CLTC: variants seen among roughly 807,000 people sequenced by gnomAD.
The protein encoded by CLTC is clathrin heavy chain.
Under a neutral mutation model 195.8 loss-of-function variants are expected in CLTC, and 16 were observed. The ratio of observed to expected loss-of-function variants is 0.08; its 90% CI spans 0.06 to 0.12. CLTC has a LOEUF of 0.12. Among genes scored for constraint, CLTC ranks in the 10% least tolerant of loss-of-function variants. The pLI is 1.00. For synonymous variants in CLTC, 667 were observed against 689.4 expected (o/e 0.97, Z 0.51); for missense variants, 796 against 2,027.0 (o/e 0.39, Z 11.66).
At chr17:59,637,737 A>G (rs2031911400) in intron 1 of CLTC, among the ~76,000 whole-genome samples, 1 of 150,144 alleles carries the variant, frequency 6.7e-6, no homozygotes, top group Non-Finnish European at 1.5e-5. Flanking sequence ...ATGGTGGCGT[A>G]TGGGTGGTAC....
intron 5 of CLTC, among the ~76,000 whole-genome samples, chr17:59,651,875 A>AT (rs947700064): frequency 5.9e-5 from 9 of 152,260 alleles, no homozygotes; most frequent in Admixed American, 5.9e-4. Flanking sequence ...TTCACAAAAG[A>AT]TTTCTCTGTG....
rs369892749 is a variant in CLTC, at chr17:59,651,181, A to C, written c.682-22A>C. ...ACTGCTAATGTATAGGTTTATATACATTTTGATTTTCTTTTGAACAGTTAC... is the reference window on the plus strand; with the variant it reads ...ACTGCTAATGTATAGGTTTATATACCTTTTGATTTTCTTTTGAACAGTTAC... On this transcript the variant is annotated intron_variant, in intron 4 of 31. Transcript: ENST00000269122. 355 of 1,474,196 alleles carry C rather than the reference A, an allele frequency of 2.4e-4. 1 individual carries two copies. The South Asian group carries it at 4.0e-3, about 17-fold the overall frequency. The allele number at this position is 1,474,196 out of a possible 1,614,324, so 91.3% of individuals were successfully genotyped here. A position where few individuals can be genotyped will look rare whatever the true frequency, so the allele number is the denominator to read the frequency against.
chr17:59,653,340 C>G (rs1218028684), intron 5 of CLTC, among the ~76,000 whole-genome samples: 1 of 151,432 alleles, frequency 6.6e-6, no homozygotes, highest in African/African-American at 2.4e-5. Flanking sequence ...ACTACAGGCA[C>G]CCACCACCAC....
At chr17:59,644,814 G>A (rs1258861243) in intron 2 of CLTC, among the ~76,000 whole-genome samples, 1 of 152,150 alleles carries the variant, frequency 6.6e-6, no homozygotes, top group Non-Finnish European at 1.5e-5. Flanking sequence ...GCCTCCCAGA[G>A]TGCTGAGATT....
At chr17:59,691,636 TATATATATATATAC>T (rs977016570) in intron 31 of CLTC, among the ~76,000 whole-genome samples, 2 of 146,314 alleles carry the variant, frequency 1.4e-5, no homozygotes, top group African/African-American at 5.0e-5. Flanking sequence ...AAAAAAAATA[TATATATATATATAC>T]ATATATATAT....
Position 59,666,969 on chromosome 17 carries a change from G to A in CLTC, c.2120G>A (p.Ser707Asn). The change falls in exon 13 of 32, where the codon AGT (serine) becomes AAT (asparagine). Residue 707 changes from serine to asparagine, a missense_variant. Around this residue, in one of 9 missense-constraint regions of CLTC, gnomAD observed 19 missense variants for 35.7 expected, o/e 0.53. Transcript: ENST00000269122. The surrounding 1 kb of genome is among the most constrained non-coding windows in gnomAD (Gnocchi z 4.9). ...SLIELFESFKSFEGLFYFLGS... is the reference protein window; with the variant it reads ...SLIELFESFKNFEGLFYFLGS... ...ATTGAACTTTTTGAATCTTTCAAGA[G>A]TTTTGAAGGTAATTAGGAGTTTTTG... 1.2e-6 allele frequency: 2 copies of A among 1,611,380 alleles called. No homozygotes were observed. The highest frequency in any genetic ancestry group is 1.7e-6 in the Non-Finnish European group (2 of 1,178,812).
At chr17:59,620,847 C>G (rs1528492) in intron 1 of CLTC, among the ~76,000 whole-genome samples, 123,764 of 151,920 alleles carry the variant, frequency 0.81, 50,679 homozygotes, top group South Asian at 0.93. Context: ...AGAGTGTGTG[C>G]GGTCAAACTC....
chr17:59,665,597 G>A (rs556433942), intron 10 of CLTC, among the ~76,000 whole-genome samples: 2 of 152,228 alleles, frequency 1.3e-5, no homozygotes, highest in African/African-American at 4.8e-5. Context: ...CCAGCACTTT[G>A]GGAGGCTGAG....
intron 6 of CLTC, among the ~76,000 whole-genome samples, chr17:59,658,996 T>C (rs533095223): frequency 2.9e-4 from 44 of 152,334 alleles, no homozygotes; most frequent in African/African-American, 1.0e-3. Context: ...ATCTATCTAT[T>C]TGGTTCACTG....
rs2033157047 is a variant in CLTC, at chr17:59,685,157, T to A, written c.4536T>A (p.Ala1512=). ...TCATTGAGTTCAGGAGAATTGCTGC[T>A]TATCTCTTCAAAGGCAACAATCGCT... The part of the protein sequence containing the change: ...HELIEFRRIA[A]YLFKGNNRWK... Residue 1512 remains alanine, a synonymous_variant, in exon 29 of 32, where the codon GCT becomes GCA. Transcript: ENST00000269122. This position sits in a 1 kb window ranked among gnomAD's most constrained non-coding sequence, Gnocchi z 5.0. The A allele has an allele frequency of 6.2e-7, 1 of 1,612,954 alleles. No homozygotes were observed. Among genetic ancestry groups the A allele is most frequent in the East Asian group, 2.2e-5 (1 of 44,854 alleles).
At chr17:59,655,235 G>T (rs1199426907) in intron 5 of CLTC, among the ~76,000 whole-genome samples, 2 of 152,202 alleles carry the variant, frequency 1.3e-5, no homozygotes, top group African/African-American at 4.8e-5. Flanking sequence ...TAATATTGTT[G>T]TGTCTCAGGT....
chr17:59,636,679 T>C (rs998639001), intron 1 of CLTC, among the ~76,000 whole-genome samples: 5 of 152,170 alleles, frequency 3.3e-5, no homozygotes, highest in African/African-American at 1.2e-4. Context: ...TTGTTTCTTT[T>C]GCTTAAACAT....
intron 7 of CLTC, 105 bp downstream of exon 7, chr17:59,660,693 T>A (rs2032587724): frequency 1.8e-6 from 2 of 1,110,696 alleles, no homozygotes; most frequent in Non-Finnish European, 2.7e-6. Flanking sequence ...TAAACTGTTT[T>A]TAGATTACAT....
chr17:59,620,086 C>G lies in CLTC; in HGVS notation c.-46C>G, dbSNP rs1172993153. The G allele has an allele frequency of 1.9e-6, 3 of 1,604,600 alleles. No homozygotes were observed. Among genetic ancestry groups the G allele is most frequent in the Middle Eastern group, 1.6e-4 (1 of 6,062 alleles). ...CTTGGAGAGCCCGGGCAGCCACTGC[C>G]CCGCAGCCCCAGTGACAGGAGGAGA... On this transcript the variant is annotated 5_prime_UTR_variant, in exon 1 of 32. Transcript: ENST00000269122.
intron 30 of CLTC, among the ~76,000 whole-genome samples, chr17:59,686,028 G>C (rs986948871): frequency 2.0e-5 from 3 of 151,940 alleles, no homozygotes; most frequent in African/African-American, 7.3e-5. Flanking sequence ...GTATTTATGA[G>C]GGTGAAAATA....
Position 59,638,620 on chromosome 17 carries a change from G to A in CLTC, c.43-5656G>A, listed in dbSNP as rs527368210. On this transcript the variant is annotated intron_variant, in intron 1 of 31. Coordinates refer to ENST00000269122, the MANE Select transcript of CLTC (RefSeq NM_004859.4). ...TTTCACCTCAGATCACAAGGCATTCGTTAGATTCTCATAAGGAGTGAGCAA... is the reference window on the plus strand; with the variant it reads ...TTTCACCTCAGATCACAAGGCATTCATTAGATTCTCATAAGGAGTGAGCAA... 4.6e-5 allele frequency among the ~76,000 whole-genome samples: 7 copies of A among 152,244 alleles called. No individual in the cohort carries two copies. The South Asian group carries it at 6.2e-4, about 14-fold the overall frequency.
intron 5 of CLTC, 124 bp downstream of exon 5, chr17:59,651,440 A>G (rs2032324678): frequency 5.8e-6 from 4 of 695,470 alleles, no homozygotes; most frequent in Non-Finnish European, 9.8e-6. Context: ...AAAGTTTATT[A>G]GTGAAGCTTT....
At position 59,679,442 on chromosome 17, in the gene CLTC, G is replaced by T; in HGVS notation, c.2842G>T (p.Val948Leu). The T allele has an allele frequency of 6.2e-7, 1 of 1,609,358 alleles. No individual in the cohort carries two copies. Among genetic ancestry groups the T allele is most frequent in the South Asian group, 1.1e-5 (1 of 89,918 alleles). ...CTTCAAAAGTCTTTCTCGCTACCTG[G>T]TACGTCGAAAGGATCCAGAATTGTG... ...SLFKSLSRYL[V>L]RRKDPELWGS... Residue 948 changes from valine (V) to leucine (L), a missense_variant, in exon 18 of 32, where the codon GTA becomes TTA. By Grantham distance (32) the Val-to-Leu change is conservative. Transcript: ENST00000269122.
At chr17:59,673,188 T>C (rs1390735128) in intron 14 of CLTC, among the ~76,000 whole-genome samples, 4 of 152,088 alleles carry the variant, frequency 2.6e-5, no homozygotes, top group African/African-American at 9.7e-5. Context: ...AATAGAGTAT[T>C]AGAGGCTGGT....
Sources: allele counts gnomAD v4.1 joint callset (sites outside exome capture counted in the v4.1 genomes callset), GRCh38; gene constraint gnomAD v4.1.1; regional missense constraint gnomAD v4.1.1; non-coding constraint Gnocchi (gnomAD v3.1); transcripts MANE v1.5; gene names NCBI Gene and HGNC (gene_info 2026-07-23, HGNC 2026-07-21).